Variants in NCALD observed in about 807,000 individuals in gnomAD.
NCALD encodes the protein neurocalcin delta.
Under a neutral mutation model 18.6 loss-of-function variants are expected in NCALD, and 10 were observed. That is an observed-to-expected ratio of 0.54 (90% CI 0.33 to 0.91). The LOEUF is 0.91. NCALD is among the 40% of genes least tolerant of loss of function. The pLI, the probability that NCALD is intolerant of heterozygous loss-of-function variation, is 0.03. For missense variants in NCALD, 184 were observed against 247.6 expected (o/e 0.74, Z 1.72); for synonymous variants, 88 against 87.4 (o/e 1.01, Z -0.04).
intron 1 of NCALD, among the ~76,000 whole-genome samples, chr8:102,067,601 A>G (rs1054062053): frequency 6.6e-6 from 1 of 152,140 alleles, no homozygotes; most frequent in African/African-American, 2.4e-5. Context: ...AGAAAACGTA[A>G]TTTTTGAAGA....
rs1245066858 is a variant in NCALD, at chr8:101,883,921, T to C, written c.-20+3220A>G. 3.3e-5 allele frequency among the ~76,000 whole-genome samples: 5 copies of C among 152,208 alleles called. No individual in the cohort carries two copies. The South Asian group carries it at 1.0e-3, about 31-fold the overall frequency. ...CTTCTCCCTATCAGCAGTGTCATTA[T>C]ACAATTGCAAACTCCTTTCATTTTT... On this transcript the variant is annotated intron_variant, in intron 4 of 6. Transcript: ENST00000311028.
At chr8:101,972,548 A>G (rs1410062405) in intron 2 of NCALD, among the ~76,000 whole-genome samples, 1 of 152,156 alleles carries the variant, frequency 6.6e-6, no homozygotes, top group African/African-American at 2.4e-5. Context: ...TGATGTTTGA[A>G]AGCTTACCAT....
intron 3 of NCALD, among the ~76,000 whole-genome samples, chr8:101,915,143 C>T (rs1817929412): frequency 6.6e-6 from 1 of 152,028 alleles, no homozygotes. Context: ...ACAAAAAAAA[C>T]AAGAAACAGA....
intron 3 of NCALD, among the ~76,000 whole-genome samples, chr8:101,896,500 A>C (rs1264973): frequency 0.33 from 49,597 of 150,050 alleles, 9,638 homozygotes; most frequent in African/African-American, 0.54. Context: ...GCAACAAAAG[A>C]CAAAATTGAC....
At chr8:101,743,408 G>A (rs983377871) in intron 1 of NCALD, among the ~76,000 whole-genome samples, 10 of 152,266 alleles carry the variant, frequency 6.6e-5, no homozygotes, top group Non-Finnish European at 1.5e-4. Flanking sequence ...GCAATAACAC[G>A]TTACACATGA....
At chr8:102,046,687 T>G (rs1823254972) in intron 1 of NCALD, among the ~76,000 whole-genome samples, 1 of 152,020 alleles carries the variant, frequency 6.6e-6, no homozygotes, top group South Asian at 2.1e-4. Flanking sequence ...GTATTTTTTG[T>G]AGAGATGCGG....
intron 4 of NCALD, among the ~76,000 whole-genome samples, chr8:101,886,714 T>A (rs1816686367): frequency 6.6e-6 from 1 of 152,144 alleles, no homozygotes; most frequent in East Asian, 1.9e-4. Flanking sequence ...TTAGAAAACA[T>A]CCCCTCTACT....
intron 1 of NCALD, among the ~76,000 whole-genome samples, chr8:102,090,284 C>T (rs1346521501): frequency 6.6e-6 from 1 of 152,128 alleles, no homozygotes; most frequent in Non-Finnish European, 1.5e-5. Context: ...ACAGAAGTAA[C>T]CAAATTTCCT....
At chr8:102,107,223 TATATATATATATATATAC>T (rs1270998207) in intron 1 of NCALD, among the ~76,000 whole-genome samples, 6 of 130,854 alleles carry the variant, frequency 4.6e-5, no homozygotes, top group South Asian at 2.3e-4. Context: ...TATATATATA[TATATATATATATATATAC>T]ACATAGAAAT....
At chr8:101,973,702 C>T (rs1370209367) in intron 2 of NCALD, among the ~76,000 whole-genome samples, 2 of 152,106 alleles carry the variant, frequency 1.3e-5, no homozygotes, top group African/African-American at 4.8e-5. Context: ...ACCAAGAGTT[C>T]TGGAGCAACC....
At chr8:101,820,285 G>A (rs1813667694) in intron 4 of NCALD, among the ~76,000 whole-genome samples, 2 of 152,086 alleles carry the variant, frequency 1.3e-5, no homozygotes, top group Non-Finnish European at 2.9e-5. Flanking sequence ...TGCCTATTTT[G>A]TTCACTATGT....
At chr8:102,101,521 T>C (rs957827270) in intron 1 of NCALD, among the ~76,000 whole-genome samples, 58 of 152,330 alleles carry the variant, frequency 3.8e-4, no homozygotes, top group African/African-American at 1.3e-3. Context: ...CCAGATTGTG[T>C]TGCTGTATGC....
At chr8:101,911,420 C>T (rs1269461077) in intron 3 of NCALD, among the ~76,000 whole-genome samples, 11 of 149,500 alleles carry the variant, frequency 7.4e-5, no homozygotes, top group South Asian at 2.1e-4. Context: ...TGCAATGGCG[C>T]GATCTCGGCT....
At chr8:101,784,236 T>C (rs1451143612) in intron 1 of NCALD, among the ~76,000 whole-genome samples, 1 of 152,108 alleles carries the variant, frequency 6.6e-6, no homozygotes, top group Non-Finnish European at 1.5e-5. Flanking sequence ...GCTGAGACTT[T>C]AGCAAGAGAT....
At chr8:102,119,349 T>C (rs185916967) in intron 1 of NCALD, among the ~76,000 whole-genome samples, 2 of 152,114 alleles carry the variant, frequency 1.3e-5, no homozygotes, top group African/African-American at 4.8e-5. Context: ...TTATATGAGG[T>C]ACCTAGAGTA....
At chr8:101,735,276 C>A (rs550182784) in intron 1 of NCALD, among the ~76,000 whole-genome samples, 1 of 152,170 alleles carries the variant, frequency 6.6e-6, no homozygotes, top group Non-Finnish European at 1.5e-5. Flanking sequence ...TTATAAGCAA[C>A]CAGTCCTCTG....
intron 2 of NCALD, among the ~76,000 whole-genome samples, chr8:101,969,908 T>C (rs1247909181): frequency 6.6e-6 from 1 of 151,986 alleles, no homozygotes; most frequent in East Asian, 1.9e-4. Flanking sequence ...ATGTAGAAAG[T>C]AGAAATAAAT....
Position 101,930,450 on chromosome 8 carries a change from A to G in NCALD, c.-156-14592T>C, listed in dbSNP as rs73696585. On this transcript the variant is annotated intron_variant, in intron 2 of 6. Transcript: ENST00000311028. ...AAAATCTCTTTATTTTGAAAATTTTATAAAAATGTGGCTATGTGAGCTCAA... is the reference window on the plus strand; with the variant it reads ...AAAATCTCTTTATTTTGAAAATTTTGTAAAAATGTGGCTATGTGAGCTCAA... Among the ~76,000 whole-genome samples, 659 of 152,170 alleles carry G rather than the reference A, an allele frequency of 4.3e-3. 7 individuals carry two copies. The highest frequency in any genetic ancestry group is 0.015 in the African/African-American group (625 of 41,524).
intron 2 of NCALD, among the ~76,000 whole-genome samples, chr8:101,981,936 T>C (rs533216771): frequency 2.6e-5 from 4 of 152,314 alleles, no homozygotes; most frequent in African/African-American, 9.6e-5. Flanking sequence ...GTCATGGGGA[T>C]GGATCCCTAT....
Sources: gnomAD v4.1 joint callset for allele counts (sites outside exome capture counted in the v4.1 genomes callset) on GRCh38, gnomAD v4.1.1 for gene constraint, MANE v1.5 for transcripts, NCBI Gene and HGNC (gene_info 2026-07-23, HGNC 2026-07-21) for gene names.